The following CDH8 variants were observed in gnomAD, a reference collection of about 807,000 sequenced individuals.
CDH8 encodes the protein cadherin 8.
CDH8 carries 17 observed loss-of-function variants against 68.1 expected under a neutral mutation model. That is an observed-to-expected ratio of 0.25 (90% CI 0.17 to 0.37). The LOEUF (loss-of-function observed/expected upper bound fraction) is 0.37, where lower values mean the gene tolerates loss of function less well. Ranked by LOEUF, CDH8 falls within the 10% of genes least tolerant of loss-of-function variation. CDH8 has a pLI of 1.00. For missense variants in CDH8, 763 were observed against 999.3 expected, an observed-to-expected ratio of 0.76 and a Z score of 3.19; for synonymous variants, 372 against 365.1, an observed-to-expected ratio of 1.02 and a Z score of -0.21.
intron 10 of CDH8, among the ~76,000 whole-genome samples, chr16:61,658,322 T>C (rs1963491775): frequency 6.6e-6 from 1 of 152,022 alleles, no homozygotes; most frequent in African/African-American, 2.4e-5. Flanking sequence ...GCCTTTTCAT[T>C]TCATTTAAAT....
chr16:61,648,739 C>CTGAT lies in CDH8; in HGVS notation c.*4865_*4868dup, dbSNP rs1378519605. On this transcript the variant is annotated 3_prime_UTR_variant, in exon 12 of 12. Coordinates refer to ENST00000577390, the MANE Select transcript of CDH8 (RefSeq NM_001796.5). ...TCAACCATGTAGCTTAATTTCTGTA[C>CTGAT]TGATAGATACTCAATAAATGTGACA... 6.6e-6 allele frequency: 1 copy of CTGAT among 151,922 alleles called. No individual in the cohort carries two copies. Among genetic ancestry groups the CTGAT allele is most frequent in the East Asian group, 1.9e-4 (1 of 5,174 alleles). 9.4% of individuals were successfully genotyped at this position (151,922 alleles called of 1,614,324 possible).
At chr16:61,801,546 C>T (rs1031944817) in intron 7 of CDH8, among the ~76,000 whole-genome samples, 1 of 152,196 alleles carries the variant, frequency 6.6e-6, no homozygotes, top group African/African-American at 2.4e-5. Flanking sequence ...GCATTTCCAT[C>T]TGAGGTACCG....
At chr16:61,731,478 G>C in intron 8 of CDH8, among the ~76,000 whole-genome samples, 1 of 151,738 alleles carries the variant, frequency 6.6e-6, no homozygotes, top group South Asian at 2.1e-4. Context: ...GTCAGGGACA[G>C]AGACAATCAA....
rs369833002 is a variant in CDH8, at chr16:61,972,571, G to GGGGGTGTGTGT, written c.252+48580_252+48581insACACACACCCC. 4.5e-3 allele frequency among the ~76,000 whole-genome samples: 594 copies of GGGGGTGTGTGT among 131,538 alleles called. 2 individuals carry two copies. The highest frequency in any genetic ancestry group is 7.5e-3 in the Non-Finnish European group (446 of 59,766). The allele number at this position is 131,538 out of a possible 152,430, so 86.3% of individuals were successfully genotyped here. ...TTTTTTTTTCTGGGAACACATTGTG[G>GGGGGTGTGTGT]GTGTGTGTGTGTGTGTGTGTGTGTG... On this transcript the variant is annotated intron_variant, in intron 2 of 11. Coordinates refer to ENST00000577390, the MANE Select transcript of CDH8 (RefSeq NM_001796.5).
chr16:61,803,999 A>C (rs912066876), intron 7 of CDH8, among the ~76,000 whole-genome samples: 12 of 130,572 alleles, frequency 9.2e-5, no homozygotes, highest in Non-Finnish European at 1.8e-4. Flanking sequence ...CTCCACCCCA[A>C]ATCAACAGAA....
intron 1 of CDH8, among the ~76,000 whole-genome samples, chr16:62,027,122 T>G (rs574991218): frequency 1.2e-4 from 18 of 152,342 alleles, no homozygotes; most frequent in African/African-American, 3.8e-4. Flanking sequence ...GATAGTGAGA[T>G]GAAGAGATTT....
chr16:61,820,340 T>A (rs1364772498), intron 6 of CDH8, among the ~76,000 whole-genome samples: 2 of 144,880 alleles, frequency 1.4e-5, no homozygotes, highest in Admixed American at 7.0e-5. Context: ...TTTTTTTTTT[T>A]AGTTTCCATG....
rs1444390241 is a variant in CDH8 at position 61,651,481 on chromosome 16, A to T, written c.*2127T>A. ...AAACATGCAGTTTCTGTCACAGTGA[A>T]GGTGGCCTCTAGAAGTTGGTGCGTT... On this transcript the variant is annotated 3_prime_UTR_variant, in exon 12 of 12. Coordinates refer to ENST00000577390, the MANE Select transcript of CDH8 (RefSeq NM_001796.5). 6.6e-6 allele frequency: 1 copy of T among 152,206 alleles called. No individual in the cohort carries two copies. Among genetic ancestry groups the T allele is most frequent in the Non-Finnish European group, 1.5e-5 (1 of 68,046 alleles). The allele number at this position is 152,206 out of a possible 1,614,324, so 9.4% of individuals were successfully genotyped here.
rs1258418136 is a variant in CDH8, at chr16:61,839,302, C to A, written c.668-14123G>T. 2.0e-5 allele frequency among the ~76,000 whole-genome samples: 3 copies of A among 152,176 alleles called. No individual in the cohort carries two copies. In the South Asian group the frequency reaches 6.2e-4, roughly 32 times the overall value. On this transcript the variant is annotated intron_variant, in intron 4 of 11. Coordinates refer to ENST00000577390, the MANE Select transcript of CDH8 (RefSeq NM_001796.5). ...GACGATGTTGTTGATTCTTTCTGAA[C>A]CTATCAATCAGCCACTCTTCCCACA... is the stretch of plus-strand genomic sequence containing the variant.
intron 8 of CDH8, among the ~76,000 whole-genome samples, chr16:61,772,167 C>A (rs759304372): frequency 2.0e-5 from 3 of 151,952 alleles, no homozygotes; most frequent in Non-Finnish European, 4.4e-5. Context: ...TCATCTGGAC[C>A]TCCCCCACCT....
intron 8 of CDH8, 147 bp from the exon 9 acceptor site, chr16:61,727,362 A>G: frequency 1.4e-6 from 1 of 731,046 alleles, no homozygotes; most frequent in Non-Finnish European, 2.2e-6. Context: ...TGACCAAATA[A>G]GAAAAATAGC....
chr16:61,958,977 C>T (rs896448140), intron 2 of CDH8, among the ~76,000 whole-genome samples: 26 of 152,080 alleles, frequency 1.7e-4, no homozygotes, highest in Admixed American at 1.6e-3. Flanking sequence ...ACACACAGCC[C>T]GATCATAACT....
At chr16:61,723,204 TA>T (rs1187978759) in intron 9 of CDH8, among the ~76,000 whole-genome samples, 1 of 150,602 alleles carries the variant, frequency 6.6e-6, no homozygotes, top group Non-Finnish European at 1.5e-5. Context: ...ACTAAGGAGG[TA>T]AGAGTTAGAA....
At chr16:61,754,894 C>A (rs1960271805) in intron 8 of CDH8, among the ~76,000 whole-genome samples, 1 of 152,086 alleles carries the variant, frequency 6.6e-6, no homozygotes, top group African/African-American at 2.4e-5. Context: ...TAGTACCCAA[C>A]AGTTAGTTTT....
chr16:61,717,837 G>T (rs181676766), intron 9 of CDH8, among the ~76,000 whole-genome samples: 1 of 151,504 alleles, frequency 6.6e-6, no homozygotes, highest in African/African-American at 2.4e-5. Context: ...ATAAATAAGC[G>T]ATGGCAGGTA....
chr16:61,914,398 G>A (rs1964205157), intron 2 of CDH8, among the ~76,000 whole-genome samples: 1 of 152,090 alleles, frequency 6.6e-6, no homozygotes, highest in African/African-American at 2.4e-5. Context: ...GTGGTAGGTG[G>A]GATAGTATCC....
At chr16:61,741,552 C>G (rs989466545) in intron 8 of CDH8, among the ~76,000 whole-genome samples, 1 of 151,926 alleles carries the variant, frequency 6.6e-6, no homozygotes, top group Non-Finnish European at 1.5e-5. Flanking sequence ...TTTATATTGA[C>G]GGTTGGAAGC....
At chr16:61,871,276 G>A (rs1343206546) in intron 3 of CDH8, among the ~76,000 whole-genome samples, 2 of 151,540 alleles carry the variant, frequency 1.3e-5, no homozygotes, top group African/African-American at 4.9e-5. Flanking sequence ...GACCTCCCAG[G>A]CTCAAGCAAT....
chr16:61,781,773 G>C (rs1171633143), intron 8 of CDH8, among the ~76,000 whole-genome samples: 3 of 152,100 alleles, frequency 2.0e-5, no homozygotes, highest in Non-Finnish European at 4.4e-5. Flanking sequence ...TGATAATCAG[G>C]CTTCAACATG....
Sources: gnomAD v4.1 joint callset for allele counts (sites outside exome capture counted in the v4.1 genomes callset) on GRCh38, gnomAD v4.1.1 for gene constraint, MANE v1.5 for transcripts, NCBI Gene and HGNC (gene_info 2026-07-23, HGNC 2026-07-21) for gene names.